MAP2K5: variants seen among roughly 807,000 people sequenced by gnomAD.
The protein encoded by MAP2K5 is dual specificity mitogen-activated protein kinase kinase 5.
Under a neutral mutation model 83.1 loss-of-function variants are expected in MAP2K5, and 49 were observed. The ratio of observed to expected loss-of-function variants is 0.59; its 90% confidence interval spans 0.47 to 0.75. The LOEUF is 0.75. Among genes scored for constraint, MAP2K5 ranks in the 30% least tolerant of loss-of-function variants. The pLI is 0.00. For synonymous variants in MAP2K5, 202 were observed against 191.8 expected (o/e 1.05, Z -0.44); for missense variants, 457 against 557.5 (o/e 0.82, Z 1.82).
rs1345342293 is a variant in MAP2K5 at position 67,774,951 on chromosome 15, G to A, written c.1242+2199G>A. On this transcript the variant is annotated intron_variant, in intron 21 of 21. Transcript: ENST00000178640. This position sits in a 1 kb window ranked among gnomAD's most constrained non-coding sequence, Gnocchi z 4.9. ...AGATGGGCAGCTGGAAATACTGGAAGTTATAGATTCACTATTTGGGAACTC... is the reference window on the plus strand; with the variant it reads ...AGATGGGCAGCTGGAAATACTGGAAATTATAGATTCACTATTTGGGAACTC... Among the ~76,000 whole-genome samples the A allele has an allele frequency of 6.6e-6, 1 of 152,236 alleles. No individual in the cohort carries two copies. The highest frequency in any genetic ancestry group is 1.5e-5 in the Non-Finnish European group (1 of 68,046).
rs118010783 is a variant in MAP2K5 at position 67,587,578 on chromosome 15, G to A, written c.431+665G>A. On this transcript the variant is annotated intron_variant, in intron 6 of 21. Coordinates refer to ENST00000178640, the MANE Select transcript of MAP2K5 (RefSeq NM_145160.3). The surrounding 1 kb of genome is among the most constrained non-coding windows in gnomAD (Gnocchi z 4.8). ...GGAGGAATGCACTTTATCAGCCAAC[G>A]CAGCTCCTTCCCTTTTTTACTTGGC... 1.6e-4 allele frequency among the ~76,000 whole-genome samples: 24 copies of A among 152,214 alleles called. No homozygotes were observed. In the East Asian group the frequency reaches 2.5e-3, roughly 16 times the overall value.
chr15:67,728,014 A>G (rs1048717927), intron 17 of MAP2K5, 69 bp downstream of exon 17: 14 of 1,263,546 alleles, frequency 1.1e-5, no homozygotes, highest in Middle Eastern at 1.9e-4. Flanking sequence ...GCAGGGAGCA[A>G]TTGTGAACAT....
At position 67,685,908 on chromosome 15, in the gene MAP2K5, G is replaced by T. The variant is rs561208701; in HGVS notation, c.848-6571G>T. Among the ~76,000 whole-genome samples, 27 of 152,336 alleles carry T rather than the reference G, an allele frequency of 1.8e-4. No homozygotes were observed. In the South Asian group the frequency reaches 5.6e-3, roughly 32 times the overall value. On this transcript the variant is annotated intron_variant, in intron 13 of 21. Transcript: ENST00000178640. The stretch of plus-strand genomic sequence containing the variant: ...TTACATGTGGCCTATCATTGCATTT[G>T]CACTACATCAGCAGAATTTGAGTAG...
At chr15:67,549,930 G>A (rs544637977) in intron 1 of MAP2K5, 104 bp from the exon 2 acceptor site, 11 of 823,880 alleles carry the variant, frequency 1.3e-5, no homozygotes, top group Admixed American at 5.7e-5. Flanking sequence ...TTATGCTAAC[G>A]TTTCAAAAAT....
In MAP2K5 at chr15:67,749,119, A is replaced by G. The variant is rs1449609412; in HGVS notation, c.1134+518A>G. ...ATTTTTCTCAGAATATGTCCCTAAC[A>G]TCTTGTGTATTCTAGTAGCTGGAAA... On this transcript the variant is annotated intron_variant, in intron 19 of 21. Coordinates refer to ENST00000178640, the MANE Select transcript of MAP2K5 (RefSeq NM_145160.3). The surrounding 1 kb of genome is among the most constrained non-coding windows in gnomAD (Gnocchi z 4.6). Among the ~76,000 whole-genome samples the G allele has an allele frequency of 1.3e-5, 2 of 152,126 alleles. No individual in the cohort carries two copies. Among genetic ancestry groups the G allele is most frequent in the Admixed American group, 1.3e-4 (2 of 15,270 alleles).
rs547190009 is a variant in MAP2K5, at chr15:67,770,843, T to C, written c.1196+1180T>C. 2.1e-4 allele frequency among the ~76,000 whole-genome samples: 32 copies of C among 152,330 alleles called. No homozygotes were observed. The highest frequency in any genetic ancestry group is 6.8e-3 in the Middle Eastern group (2 of 294). The stretch of plus-strand genomic sequence containing the variant: ...AATGTCTCATGCAGTTTATATTCCA[T>C]AGAAAATATATGTGAGGAAGAAATT... On this transcript the variant is annotated intron_variant, in intron 20 of 21. Transcript: ENST00000178640. This position sits in a 1 kb window ranked among gnomAD's most constrained non-coding sequence, Gnocchi z 5.0.
At chr15:67,752,677 C>CA (rs201063917) in intron 19 of MAP2K5, among the ~76,000 whole-genome samples, 14,134 of 121,316 alleles carry the variant, frequency 0.12, 744 homozygotes, top group Admixed American at 0.13. Context: ...GACACCCTCT[C>CA]AAAAAAAAAA....
At chr15:67,713,954 C>T (rs1292467844) in intron 16 of MAP2K5, among the ~76,000 whole-genome samples, 1 of 152,154 alleles carries the variant, frequency 6.6e-6, no homozygotes, top group African/African-American at 2.4e-5. Context: ...TCAGTGTGAT[C>T]TTAGCCAGTT....
chr15:67,669,807 T>A (rs2087483047), intron 13 of MAP2K5, among the ~76,000 whole-genome samples: 1 of 151,950 alleles, frequency 6.6e-6, no homozygotes, highest in Non-Finnish European at 1.5e-5. Context: ...AAAAACCTGA[T>A]AATATGAAGT....
In MAP2K5 at chr15:67,555,887, G is replaced by A. The variant is rs1331561707; in HGVS notation, c.184+5805G>A. Among the ~76,000 whole-genome samples the A allele has an allele frequency of 2.6e-5, 4 of 151,822 alleles. No individual in the cohort carries two copies. The highest frequency in any genetic ancestry group is 5.9e-5 in the Non-Finnish European group (4 of 67,974). ...CAACCTCCACCTCAGGGGTTCAAGCGATTCTCCTGCCTCAGCCTCCCAAGT... is the reference window on the plus strand; with the variant it reads ...CAACCTCCACCTCAGGGGTTCAAGCAATTCTCCTGCCTCAGCCTCCCAAGT... On this transcript the variant is annotated intron_variant, in intron 2 of 21. Coordinates refer to ENST00000178640, the MANE Select transcript of MAP2K5 (RefSeq NM_145160.3). The surrounding 1 kb of genome is among the most constrained non-coding windows in gnomAD (Gnocchi z 5.2).
At position 67,764,503 on chromosome 15, in the gene MAP2K5, G is replaced by T. The variant is rs911202078; in HGVS notation, c.1135-5099G>T. ...GTGCCCAGCTTTGGCAGTCTCACGTGGCCACTTCCTCCATCCTGCAGGGCT... is the reference window on the plus strand; with the variant it reads ...GTGCCCAGCTTTGGCAGTCTCACGTTGCCACTTCCTCCATCCTGCAGGGCT... On this transcript the variant is annotated intron_variant, in intron 19 of 21. Transcript: ENST00000178640. The surrounding 1 kb of genome is among the most constrained non-coding windows in gnomAD (Gnocchi z 4.9). Among the ~76,000 whole-genome samples the T allele has an allele frequency of 3.3e-5, 5 of 152,114 alleles. No individual in the cohort carries two copies. The highest frequency in any genetic ancestry group is 4.4e-5 in the Non-Finnish European group (3 of 68,030).
At position 67,779,637 on chromosome 15, in the gene MAP2K5, A is replaced by G. The variant is rs2090295771; in HGVS notation, c.1242+6885A>G. Among the ~76,000 whole-genome samples, 1 of 152,232 alleles carries G rather than the reference A, an allele frequency of 6.6e-6. No individual in the cohort carries two copies. The highest frequency in any genetic ancestry group is 2.4e-5 in the African/African-American group (1 of 41,458). On this transcript the variant is annotated intron_variant, in intron 21 of 21. Coordinates refer to ENST00000178640, the MANE Select transcript of MAP2K5 (RefSeq NM_145160.3). This position sits in a 1 kb window ranked among gnomAD's most constrained non-coding sequence, Gnocchi z 4.6. ...CATAGCTTTTTTCCTCCATCAGTCA[A>G]GTCAGATCTCTTAGTATGATGATGA...
rs953679926 is a variant in MAP2K5, at chr15:67,770,409, C to G, written c.1196+746C>G. On this transcript the variant is annotated intron_variant, in intron 20 of 21. Transcript: ENST00000178640. This position sits in a 1 kb window ranked among gnomAD's most constrained non-coding sequence, Gnocchi z 5.0. ...CAGGACTCATGTGGCCTTGGGAGGC[C>G]CAGGTATTCCTCTGCCCTCTCCCTC... Among the ~76,000 whole-genome samples, 3 of 152,164 alleles carry G rather than the reference C, an allele frequency of 2.0e-5. No individual in the cohort carries two copies. The highest frequency in any genetic ancestry group is 4.1e-4 in the South Asian group (2 of 4,826).
rs575914690 is a variant in MAP2K5, at chr15:67,633,210, A to G, written c.585+2283A>G. Reference sequence around the variant, plus strand: ...TCTGTACCTCCTGAGCTCCCTTTTCACTAAGAGAAAACTTCCACTAAAACT... The same window carrying G: ...TCTGTACCTCCTGAGCTCCCTTTTCGCTAAGAGAAAACTTCCACTAAAACT... On this transcript the variant is annotated intron_variant, in intron 9 of 21. Coordinates refer to ENST00000178640, the MANE Select transcript of MAP2K5 (RefSeq NM_145160.3). 5.3e-5 allele frequency among the ~76,000 whole-genome samples: 8 copies of G among 152,246 alleles called. No individual in the cohort carries two copies. The South Asian group carries it at 1.7e-3, about 32-fold the overall frequency.
At chr15:67,697,796 A>G (rs929410774) in intron 15 of MAP2K5, among the ~76,000 whole-genome samples, 3 of 152,256 alleles carry the variant, frequency 2.0e-5, no homozygotes, top group East Asian at 3.8e-4. Context: ...ATAGCCCTGT[A>G]TATGTGAATA....
In MAP2K5 at chr15:67,758,131, T is replaced by C. The variant is rs2089876441; in HGVS notation, c.1134+9530T>C. Among the ~76,000 whole-genome samples the C allele has an allele frequency of 6.6e-6, 1 of 152,128 alleles. No homozygotes were observed. The highest frequency in any genetic ancestry group is 2.4e-5 in the African/African-American group (1 of 41,398). ...AAGCAAGAGGTCAACGTAGCCAGAT[T>C]TGTGTTTTACACTGTGGCAGTGCTG... is the stretch of plus-strand genomic sequence containing the variant. On this transcript the variant is annotated intron_variant, in intron 19 of 21. Transcript: ENST00000178640. The surrounding 1 kb of genome is among the most constrained non-coding windows in gnomAD (Gnocchi z 4.7).
At chr15:67,643,179 A>AC (rs1456478083) in intron 9 of MAP2K5, among the ~76,000 whole-genome samples, 3 of 152,110 alleles carry the variant, frequency 2.0e-5, no homozygotes, top group Non-Finnish European at 4.4e-5. Context: ...GTTAATAATA[A>AC]CTTCATTCCT....
At chr15:67,545,966 G>A (rs905916863) in intron 1 of MAP2K5, among the ~76,000 whole-genome samples, 3 of 152,160 alleles carry the variant, frequency 2.0e-5, no homozygotes, top group African/African-American at 4.8e-5. Context: ...AGGCTGACTG[G>A]CTTAACAGGA....
intron 12 of MAP2K5, chr15:67,658,892 A>G (rs2087161048): frequency 3.1e-6 from 1 of 326,214 alleles, no homozygotes; most frequent in Non-Finnish European, 5.6e-6. Context: ...CTTCTTCTGA[A>G]AAAAAAATGC....
Sources: gnomAD v4.1 joint callset for allele counts (sites outside exome capture counted in the v4.1 genomes callset) on GRCh38, gnomAD v4.1.1 for gene constraint, Gnocchi (gnomAD v3.1) non-coding constraint, MANE v1.5 for transcripts, NCBI Gene and HGNC (gene_info 2026-07-23, HGNC 2026-07-21) for gene names.